The following TACC1 variants were observed in gnomAD, a reference collection of about 807,000 sequenced individuals.
TACC1 encodes the protein transforming acidic coiled-coil-containing protein 1.
A neutral mutation model predicts 84.4 loss-of-function variants in TACC1; 48 were observed. That is an observed-to-expected ratio of 0.57 (90% CI 0.45 to 0.72). TACC1 has a LOEUF of 0.72. TACC1 is among the 30% of genes least tolerant of loss of function. The pLI is 0.00. For synonymous variants in TACC1, 372 were observed against 376.3 expected, an observed-to-expected ratio of 0.99 and a Z score of 0.13; for missense variants, 920 against 973.0, an observed-to-expected ratio of 0.95 and a Z score of 0.72.
chr8:38,837,785 C>T (rs568857213), intron 7 of TACC1, among the ~76,000 whole-genome samples: 2 of 152,186 alleles, frequency 1.3e-5, no homozygotes, highest in Non-Finnish European at 2.9e-5. Context: ...CAGGGAAGTA[C>T]AGTAAGAGGC....
intron 6 of TACC1, among the ~76,000 whole-genome samples, chr8:38,833,162 G>T (rs1430331685): frequency 6.6e-6 from 1 of 152,186 alleles, no homozygotes; most frequent in Non-Finnish European, 1.5e-5. Context: ...GCTTAATTTT[G>T]TTGTTGTTGT....
intron 2 of TACC1, among the ~76,000 whole-genome samples, chr8:38,801,489 A>G (rs1248237341): frequency 1.3e-5 from 2 of 152,204 alleles, no homozygotes; most frequent in Non-Finnish European, 2.9e-5. Context: ...TCCCTATACA[A>G]TTAACTTTGC....
At chr8:38,794,552 G>A (rs982935179) in intron 2 of TACC1, among the ~76,000 whole-genome samples, 2 of 132,948 alleles carry the variant, frequency 1.5e-5, no homozygotes, top group Non-Finnish European at 3.3e-5. Flanking sequence ...GCACGTGTGT[G>A]TGTGTTTGTT....
intron 3 of TACC1, among the ~76,000 whole-genome samples, chr8:38,760,563 A>G (rs1811016320): frequency 1.3e-5 from 2 of 151,822 alleles, no homozygotes; most frequent in African/African-American, 4.8e-5. Flanking sequence ...ATGGAGTCTC[A>G]CTCTGTTGCC....
chr8:38,819,486 A>T (rs1186143596), intron 2 of TACC1, 36 bp from the exon 3 acceptor site: 1 of 1,569,008 alleles, frequency 6.4e-7, no homozygotes, highest in African/African-American at 1.4e-5. Flanking sequence ...AGTGACAGAT[A>T]ATTCTTTAAT....
chr8:38,807,016 T>C (rs1203439656), intron 2 of TACC1, among the ~76,000 whole-genome samples: 1 of 152,172 alleles, frequency 6.6e-6, no homozygotes, highest in African/African-American at 2.4e-5. Context: ...AGGAAAATGC[T>C]AAAGTTTACT....
intron 1 of TACC1, among the ~76,000 whole-genome samples, chr8:38,729,091 G>A (rs1804402763): frequency 6.6e-6 from 1 of 152,094 alleles, no homozygotes; most frequent in Non-Finnish European, 1.5e-5. Flanking sequence ...TAGATTCGGG[G>A]AGAAGTGAGA....
chr8:38,827,761 A>AC, intron 5 of TACC1: 1 of 203,934 alleles, frequency 4.9e-6, no homozygotes, highest in Non-Finnish European at 1.0e-5. Flanking sequence ...GGTTCTGCAG[A>AC]CTGTAGAATA....
At position 38,787,714 on chromosome 8, in the gene TACC1, G is replaced by T; in HGVS notation, c.132G>T (p.Ser44=). The T allele has an allele frequency of 2.0e-6, 3 of 1,533,158 alleles. No individual in the cohort carries two copies. The highest frequency in any genetic ancestry group is 1.7e-6 in the Non-Finnish European group (2 of 1,147,750). 95.0% of individuals were successfully genotyped at this position (1,533,158 alleles called of 1,614,324 possible). The change falls in exon 1 of 13, where the codon TCG becomes TCT. Residue 44 remains serine (S), a synonymous_variant. Coordinates refer to ENST00000317827, the MANE Select transcript of TACC1 (RefSeq NM_006283.3). Reference sequence around the variant, plus strand: ...AGGGCGACCCCGAGGAGGAGGATTCGCAAGCCGAGACCAAATCCTTGAGTT... The same window carrying T: ...AGGGCGACCCCGAGGAGGAGGATTCTCAAGCCGAGACCAAATCCTTGAGTT... ...GPEGDPEEED[S]QAETKSLSFS...
chr8:38,772,456 A>G (rs994944631), intron 3 of TACC1, among the ~76,000 whole-genome samples: 1 of 152,284 alleles, frequency 6.6e-6, no homozygotes, highest in Non-Finnish European at 1.5e-5. Flanking sequence ...AATGAGGAAC[A>G]GCAAACCCGT....
At chr8:38,772,720 A>C (rs1587505587) in intron 3 of TACC1, among the ~76,000 whole-genome samples, 1 of 151,828 alleles carries the variant, frequency 6.6e-6, no homozygotes, top group South Asian at 2.1e-4. Flanking sequence ...TTAAATCAAT[A>C]AATATTAATT....
intron 3 of TACC1, among the ~76,000 whole-genome samples, chr8:38,760,738 T>TC (rs546322558): frequency 3.9e-5 from 6 of 152,120 alleles, no homozygotes; most frequent in Non-Finnish European, 7.4e-5. Flanking sequence ...GCCAGGCTGG[T>TC]CTCGAACTCC....
At chr8:38,757,227 T>A in intron 3 of TACC1, 5 of 93,112 alleles carry the variant, frequency 5.4e-5, no homozygotes, top group Non-Finnish European at 9.4e-5. Flanking sequence ...CCGCCCTCCC[T>A]CGCCCCACCC....
chr8:38,851,799 A>G lies in TACC1; in HGVS notation c.*3776A>G, dbSNP rs1227570675. 2.6e-6 allele frequency: 1 copy of G among 379,676 alleles called. No homozygotes were observed. The highest frequency in any genetic ancestry group is 5.3e-6 in the Non-Finnish European group (1 of 188,746). 23.5% of individuals were successfully genotyped at this position (379,676 alleles called of 1,614,324 possible). The stretch of plus-strand genomic sequence containing the variant: ...GTATTTATTCTGAAGAATCTAAAAG[A>G]TAACAGATTATTTGCTTATGAAAGA... On this transcript the variant is annotated 3_prime_UTR_variant, in exon 13 of 13. Transcript: ENST00000317827.
chr8:38,818,367 C>T (rs1336788364), intron 2 of TACC1, among the ~76,000 whole-genome samples: 2 of 152,210 alleles, frequency 1.3e-5, no homozygotes, highest in Non-Finnish European at 2.9e-5. Flanking sequence ...ATAACCAATT[C>T]ACTGAGTTTT....
At chr8:38,826,014 A>G (rs1411077299) in intron 4 of TACC1, among the ~76,000 whole-genome samples, 1 of 152,244 alleles carries the variant, frequency 6.6e-6, no homozygotes, top group African/African-American at 2.4e-5. Flanking sequence ...CGTATAAACT[A>G]ATTGCAAAAC....
intron 2 of TACC1, among the ~76,000 whole-genome samples, chr8:38,802,007 A>C (rs1365713794): frequency 6.6e-6 from 1 of 152,116 alleles, no homozygotes; most frequent in African/African-American, 2.4e-5. Flanking sequence ...TCAACCTCCC[A>C]GGCTTAGACA....
At chr8:38,841,944 G>A (rs955455564) in intron 9 of TACC1, among the ~76,000 whole-genome samples, 2 of 152,106 alleles carry the variant, frequency 1.3e-5, no homozygotes, top group African/African-American at 4.8e-5. Flanking sequence ...TGCCTTCCCA[G>A]CTCAGGGCCT....
chr8:38,758,259 C>G (rs547601283), intron 3 of TACC1, among the ~76,000 whole-genome samples: 1 of 152,042 alleles, frequency 6.6e-6, no homozygotes, highest in Non-Finnish European at 1.5e-5. Flanking sequence ...CAGCCTGGAC[C>G]GCGGGAGGGC....
Sources: gnomAD v4.1 joint callset for allele counts (sites outside exome capture counted in the v4.1 genomes callset) on GRCh38, gnomAD v4.1.1 for gene constraint, MANE v1.5 for transcripts, NCBI Gene and HGNC (gene_info 2026-07-23, HGNC 2026-07-21) for gene names.